Variants in PRR14L observed in about 807,000 individuals in gnomAD.
PRR14L encodes the protein protein PRR14L.
Under a neutral mutation model 155.0 loss-of-function variants are expected in PRR14L, and 80 were observed. That is an observed-to-expected ratio of 0.52 (90% CI 0.43 to 0.62). The LOEUF (loss-of-function observed/expected upper bound fraction) is 0.62. Among genes scored for constraint, PRR14L ranks in the 20% least tolerant of loss-of-function variants. PRR14L has a pLI of 0.00. For missense variants in PRR14L, 2,469 were observed against 2,548.0 expected (o/e 0.97, Z 0.67); for synonymous variants, 883 against 916.0 (o/e 0.96, Z 0.65).
chr22:31,715,111 C>A lies in PRR14L; in HGVS notation c.2728G>T (p.Val910Leu). ...TTACAAAATACAGTTTCTTTGGATA[C>A]ATCCTGCTCCTTTCCTTCCAGCCCT... ...EEGLEGKEQD[V>L]SKETVFCKYN... The change falls in exon 4 of 9, where the codon GTA (valine) becomes TTA (leucine). Residue 910 changes from valine (V) to leucine (L), a missense_variant. Physicochemically the swap from Val to Leu is conservative, Grantham distance 32. Around this residue, in one of 2 missense-constraint regions of PRR14L, gnomAD observed 2,363 missense variants for 2,371.6 expected, o/e 1.00. Coordinates refer to ENST00000327423, the MANE Select transcript of PRR14L (RefSeq NM_173566.3). The A allele has an allele frequency of 6.4e-7, 1 of 1,551,822 alleles. No individual in the cohort carries two copies. The highest frequency in any genetic ancestry group is 8.7e-7 in the Non-Finnish European group (1 of 1,146,998).
intron 2 of PRR14L, among the ~76,000 whole-genome samples, chr22:31,730,854 A>G (rs2074745319): frequency 6.6e-6 from 1 of 152,204 alleles, no homozygotes; most frequent in Non-Finnish European, 1.5e-5. Flanking sequence ...TAATTCAATT[A>G]CAGTGAAAGG....
chr22:31,690,760 G>A (rs1267979377), intron 7 of PRR14L, among the ~76,000 whole-genome samples: 1 of 151,080 alleles, frequency 6.6e-6, no homozygotes, highest in African/African-American at 2.4e-5. Context: ...TTCTGCCTCA[G>A]CCTCCTGAGT....
In PRR14L at chr22:31,714,756, C is replaced by T; in HGVS notation, c.3083G>A (p.Gly1028Asp). ...SSGSNNSLPC[G>D]SPKKCNLKGA... ...TTTCAAATTGCATTTCTTTGGACTA[C>T]CACAAGGTAGTGAGTTATTACTGCC... Residue 1028 changes from glycine to aspartate, a missense_variant, in exon 4 of 9, where the codon GGT becomes GAT. Transcript: ENST00000327423. 1 of 1,552,348 alleles carries T rather than the reference C, an allele frequency of 6.4e-7. No individual in the cohort carries two copies. The highest frequency in any genetic ancestry group is 8.7e-7 in the Non-Finnish European group (1 of 1,147,138).
rs2074641948 is a variant in PRR14L at position 31,714,390 on chromosome 22, T to C, written c.3449A>G (p.Asp1150Gly). The change falls in exon 4 of 9, where the codon GAC (aspartate) becomes GGC (glycine). Residue 1150 changes from aspartate to glycine, a missense_variant. Asp to Gly is a moderately conservative substitution (Grantham distance 94). This residue lies in a region of PRR14L where 2,363 missense variants were observed against 2,371.6 expected (regional missense o/e 1.00). Transcript: ENST00000327423. Reference sequence around the variant, plus strand: ...AGACTCCATCTCATGGGCACAAGAGTCTGGACACTTTTCCATTTCACAGTC... The same window carrying C: ...AGACTCCATCTCATGGGCACAAGAGCCTGGACACTTTTCCATTTCACAGTC... ...LKDCEMEKCPDSCAHEMESVA... is the reference protein window; with the variant it reads ...LKDCEMEKCPGSCAHEMESVA... 3 of 1,551,514 alleles carry C rather than the reference T, an allele frequency of 1.9e-6. No individual in the cohort carries two copies. The highest frequency in any genetic ancestry group is 2.6e-6 in the Non-Finnish European group (3 of 1,147,002).
intron 2 of PRR14L, among the ~76,000 whole-genome samples, chr22:31,726,346 GTCTTGAAC>G (rs1375978063): frequency 6.6e-6 from 1 of 151,962 alleles, no homozygotes; most frequent in African/African-American, 2.4e-5. Context: ...GGCCAGGCTG[GTCTTGAAC>G]TCCTGACCTC....
rs1414277985 is a variant in PRR14L at position 31,745,859 on chromosome 22, A to AT, written c.-52+4133_-52+4134insA. ...GACTCAGTTTAAAAAAAAAAAAAAA[A>AT]AAATATATATATATATATAAGCCAA... On this transcript the variant is annotated intron_variant, in intron 1 of 8. Transcript: ENST00000327423. 7.9e-3 allele frequency among the ~76,000 whole-genome samples: 1,095 copies of AT among 139,394 alleles called. 6 individuals carry two copies. Among genetic ancestry groups the AT allele is most frequent in the East Asian group, 0.03 (150 of 4,956 alleles). 91.4% of individuals were successfully genotyped at this position (139,394 alleles called of 152,430 possible).
At chr22:31,747,050 C>T (rs1439639263) in intron 1 of PRR14L, among the ~76,000 whole-genome samples, 4 of 151,960 alleles carry the variant, frequency 2.6e-5, no homozygotes, top group South Asian at 2.1e-4. Context: ...GTGATCCGCC[C>T]GCCTCGGCCT....
At position 31,684,654 on chromosome 22, in the gene PRR14L, C is replaced by T. The variant is rs2074473212; in HGVS notation, c.*873G>A. On this transcript the variant is annotated 3_prime_UTR_variant, in exon 9 of 9. Coordinates refer to ENST00000327423, the MANE Select transcript of PRR14L (RefSeq NM_173566.3). Reference sequence around the variant, plus strand: ...GAAGCTGGAGATGGGGAAGGGATTGCCTGAAACACATGAATAGGAAAAATG... The same window carrying T: ...GAAGCTGGAGATGGGGAAGGGATTGTCTGAAACACATGAATAGGAAAAATG... The T allele has an allele frequency of 6.6e-6, 1 of 152,080 alleles. No homozygotes were observed. The highest frequency in any genetic ancestry group is 2.4e-5 in the African/African-American group (1 of 41,418). The allele number at this position is 152,080 out of a possible 1,614,324, so 9.4% of individuals were successfully genotyped here. A position where few individuals can be genotyped will look rare whatever the true frequency, so the allele number is the denominator to read the frequency against.
chr22:31,709,534 T>C (rs1194716992), intron 4 of PRR14L, among the ~76,000 whole-genome samples: 2 of 50,062 alleles, frequency 4.0e-5, no homozygotes, highest in Non-Finnish European at 8.2e-5. Flanking sequence ...GCCTGTGGGG[T>C]TTTTTTTTTT....
chr22:31,714,486 G>C lies in PRR14L; in HGVS notation c.3353C>G (p.Thr1118Ser), dbSNP rs1385594269. ...GAGAAAGTCCACTGTAGAAGCAGCA[G>C]TAACTGGGAAATCTGAATCCTGACC... ...TTGQDSDFPVTAASTVDFLKI... is the reference protein window; with the variant it reads ...TTGQDSDFPVSAASTVDFLKI... Residue 1118 changes from threonine (T) to serine (S), a missense_variant, in exon 4 of 9, where the codon ACT becomes AGT. By Grantham distance (58) the Thr-to-Ser change is moderately conservative. Around this residue, in one of 2 missense-constraint regions of PRR14L, gnomAD observed 2,363 missense variants for 2,371.6 expected, o/e 1.00. Transcript: ENST00000327423. The C allele has an allele frequency of 3.9e-6, 6 of 1,552,126 alleles. No individual in the cohort carries two copies. In the South Asian group the frequency reaches 7.1e-5, roughly 18 times the overall value.
At chr22:31,739,242 T>C (rs1802740296) in intron 1 of PRR14L, among the ~76,000 whole-genome samples, 1 of 152,154 alleles carries the variant, frequency 6.6e-6, no homozygotes, top group African/African-American at 2.4e-5. Flanking sequence ...AATGAGAAAA[T>C]AAAGATGGTT....
intron 1 of PRR14L, among the ~76,000 whole-genome samples, chr22:31,748,536 C>T (rs1300781668): frequency 6.6e-6 from 1 of 152,174 alleles, no homozygotes; most frequent in African/African-American, 2.4e-5. Flanking sequence ...AGAAAAGAAA[C>T]AATCTGTGTC....
intron 4 of PRR14L, among the ~76,000 whole-genome samples, chr22:31,710,742 C>A (rs2074616506): frequency 6.6e-6 from 1 of 152,112 alleles, no homozygotes; most frequent in Non-Finnish European, 1.5e-5. Context: ...GTGTAAGCCA[C>A]CATACCTGGC....
At chr22:31,740,925 T>A (rs539184700) in intron 1 of PRR14L, among the ~76,000 whole-genome samples, 23 of 151,772 alleles carry the variant, frequency 1.5e-4, no homozygotes, top group African/African-American at 5.3e-4. Flanking sequence ...GTGGATCACT[T>A]GAGGTCAGGA....
chr22:31,747,600 T>G (rs1195586955), intron 1 of PRR14L, among the ~76,000 whole-genome samples: 1 of 151,472 alleles, frequency 6.6e-6, no homozygotes, highest in Non-Finnish European at 1.5e-5. Flanking sequence ...ATCCTAAGAC[T>G]CCAAAGAATA....
chr22:31,686,482 A>G (rs1037323799), intron 8 of PRR14L, among the ~76,000 whole-genome samples: 1 of 151,822 alleles, frequency 6.6e-6, no homozygotes, highest in Non-Finnish European at 1.5e-5. Context: ...GTGCAGTGGC[A>G]CAATCACAAT....
chr22:31,743,781 G>A (rs777607770), intron 1 of PRR14L, among the ~76,000 whole-genome samples: 1 of 150,412 alleles, frequency 6.6e-6, no homozygotes, highest in Non-Finnish European at 1.5e-5. Flanking sequence ...CAGACTGGGT[G>A]ACACAGTGAG....
In PRR14L at chr22:31,681,790, A is replaced by AGT. The variant is rs911379584; in HGVS notation, c.*3735_*3736dup. On this transcript the variant is annotated 3_prime_UTR_variant, in exon 9 of 9. Transcript: ENST00000327423. ...AATCTCCCTAGCCAGGTTTTTATAC[A>AGT]GTAAGTTCAGTTGTGGCAAGGAGCC... The AGT allele has an allele frequency of 1.3e-5, 2 of 152,204 alleles. No individual in the cohort carries two copies. Among genetic ancestry groups the AGT allele is most frequent in the African/African-American group, 4.8e-5 (2 of 41,444 alleles). 9.4% of individuals were successfully genotyped at this position (152,204 alleles called of 1,614,324 possible). A position where few individuals can be genotyped will look rare whatever the true frequency, so the allele number is the denominator to read the frequency against.
At chr22:31,737,850 T>C (rs2074790648) in intron 2 of PRR14L, among the ~76,000 whole-genome samples, 1 of 151,866 alleles carries the variant, frequency 6.6e-6, no homozygotes, top group South Asian at 2.1e-4. Flanking sequence ...CCGTCTCTAC[T>C]AAAAACACAA....
Sources: gnomAD v4.1 joint callset for allele counts (sites outside exome capture counted in the v4.1 genomes callset) on GRCh38, gnomAD v4.1.1 for gene constraint, gnomAD v4.1.1 regional missense constraint, MANE v1.5 for transcripts, NCBI Gene and HGNC (gene_info 2026-07-23, HGNC 2026-07-21) for gene names.